Variants in UNC79 observed in about 807,000 individuals in gnomAD.
UNC79 encodes the protein unc-79 subunit of NALCN channel complex, also known as protein unc-79 homolog.
In UNC79, 37 loss-of-function variants were observed where a neutral mutation model predicts 283.1. The ratio of observed to expected loss-of-function variants is 0.13; its 90% CI spans 0.10 to 0.17. The LOEUF (loss-of-function observed/expected upper bound fraction) is 0.17. Among genes scored for constraint, UNC79 ranks in the 10% least tolerant of loss-of-function variants. The probability of loss-of-function intolerance (pLI) is 1.00; values close to 1 mark genes in which losing one functional copy is unlikely to be tolerated. For missense variants in UNC79, 2,272 were observed against 3,211.1 expected, an observed-to-expected ratio of 0.71 and a Z score of 7.07; for synonymous variants, 1,107 against 1,200.2, an observed-to-expected ratio of 0.92 and a Z score of 1.61.
At chr14:93,461,949 A>G (rs568989616) in intron 1 of UNC79, among the ~76,000 whole-genome samples, 26 of 140,298 alleles carry the variant, frequency 1.9e-4, no homozygotes, top group Non-Finnish European at 2.8e-4. Context: ...AAGGACATAG[A>G]AAGGTTTTCA....
intron 7 of UNC79, among the ~76,000 whole-genome samples, chr14:93,498,005 C>T (rs939215542): frequency 2.0e-5 from 3 of 150,874 alleles, no homozygotes; most frequent in Non-Finnish European, 3.0e-5. Flanking sequence ...TAAGTGACCC[C>T]GATAGGCTGG....
At chr14:93,425,918 A>G (rs1370418794), upstream of UNC79, among the ~76,000 whole-genome samples, 2 of 152,186 alleles carry the variant, frequency 1.3e-5, no homozygotes, top group Admixed American at 1.3e-4. Context: ...AACAAGCTGT[A>G]GACTGGGAGA....
chr14:93,701,189 C>CT (rs1048672340), intron 47 of UNC79, among the ~76,000 whole-genome samples: 1 of 152,252 alleles, frequency 6.6e-6, no homozygotes, highest in Non-Finnish European at 1.5e-5. Flanking sequence ...ACCTGCAGGA[C>CT]TCACCTGGTT....
chr14:93,683,656 T>C (rs990721890), intron 42 of UNC79, among the ~76,000 whole-genome samples: 1 of 152,150 alleles, frequency 6.6e-6, no homozygotes. Context: ...AAATCAGTAA[T>C]TAAAAGACGA....
exon 19 of UNC79, chr14:93,580,369 G>A (rs1043995250): frequency 1.9e-5 from 31 of 1,613,442 alleles, no homozygotes; most frequent in East Asian, 6.7e-5. Context: ...GAAGAAAGCC[G>A]GCTGGTGGTA....
chr14:93,515,022 C>A (rs2059990990), intron 7 of UNC79, among the ~76,000 whole-genome samples: 1 of 152,100 alleles, frequency 6.6e-6, no homozygotes. Context: ...TCTCGTACAT[C>A]CTTTTATGCA....
At chr14:93,523,935 A>C (rs769914893) in intron 7 of UNC79, 43 bp from the exon 8 acceptor site, 1 of 1,603,828 alleles carries the variant, frequency 6.2e-7, no homozygotes, top group Non-Finnish European at 8.5e-7. Flanking sequence ...GGGCATGAAT[A>C]ATTTCAATGA....
At chr14:93,536,245 G>T (rs1373392512) in intron 11 of UNC79, among the ~76,000 whole-genome samples, 2 of 152,222 alleles carry the variant, frequency 1.3e-5, no homozygotes, top group Admixed American at 1.3e-4. Context: ...ATAATTAAAT[G>T]TTGCTGTTTT....
intron 1 of UNC79, among the ~76,000 whole-genome samples, chr14:93,393,798 T>G (rs147319736): frequency 0.014 from 2,125 of 152,326 alleles, 23 homozygotes; most frequent in Middle Eastern, 0.034. Context: ...CTAGAAAGTA[T>G]TTGCTAACTG....
intron 40 of UNC79, among the ~76,000 whole-genome samples, chr14:93,667,593 A>G (rs1296639603): frequency 6.6e-6 from 1 of 152,192 alleles, no homozygotes; most frequent in African/African-American, 2.4e-5. Context: ...GCTTTAGAGG[A>G]CAACTTCTAC....
chr14:93,636,868 C>T (rs2140146994), intron 31 of UNC79, among the ~76,000 whole-genome samples: 1 of 152,284 alleles, frequency 6.6e-6, no homozygotes, highest in South Asian at 2.1e-4. Context: ...TACTGATTTG[C>T]ATAAAACATT....
chr14:93,541,780 C>T (rs2141193764), intron 13 of UNC79, among the ~76,000 whole-genome samples: 1 of 152,170 alleles, frequency 6.6e-6, no homozygotes, highest in Non-Finnish European at 1.5e-5. Context: ...CCAAGACGGG[C>T]AGATCACGAG....
intron 11 of UNC79, among the ~76,000 whole-genome samples, chr14:93,533,646 A>G (rs1353649858): frequency 6.6e-6 from 1 of 152,134 alleles, no homozygotes; most frequent in Non-Finnish European, 1.5e-5. Flanking sequence ...TGAGAGAGTG[A>G]GAGAGCCTCA....
rs762979661 is a variant in UNC79 at position 93,686,599 on chromosome 14, A to G, written c.6847A>G (p.Arg2283Gly). 3 of 1,614,200 alleles carry G rather than the reference A, an allele frequency of 1.9e-6. No homozygotes were observed. The South Asian group carries it at 3.3e-5, about 18-fold the overall frequency. ...TGGGACTGCAGCGATGGAGTGTGTG[A>G]GGCAGTACATCAACGAAGTGCTGGA... Residue 2283 changes from arginine to glycine, a missense_variant, in exon 43 of 49, where the codon AGG (arginine) becomes GGG (glycine). Physicochemically the swap from Arg to Gly is moderately radical, Grantham distance 125 (BLOSUM62 -2). Coordinates refer to ENST00000555664, the Ensembl canonical transcript of UNC79.
chr14:93,508,097 G>T (rs2140813834), intron 7 of UNC79, among the ~76,000 whole-genome samples: 1 of 151,332 alleles, frequency 6.6e-6, no homozygotes, highest in Admixed American at 6.6e-5. Context: ...AAATCAGATA[G>T]TTCAAATCTC....
intron 12 of UNC79, among the ~76,000 whole-genome samples, chr14:93,538,740 TCAGA>T (rs1268735514): frequency 7.0e-6 from 1 of 143,504 alleles, no homozygotes; most frequent in African/African-American, 2.6e-5. Context: ...CCCTGTGTAG[TCAGA>T]CAGGGACAGC....
At chr14:93,572,395 T>A (rs2063255954) in intron 15 of UNC79, among the ~76,000 whole-genome samples, 1 of 152,222 alleles carries the variant, frequency 6.6e-6, no homozygotes, top group Non-Finnish European at 1.5e-5. Flanking sequence ...AAAGGGAAAC[T>A]GTTTTAGATG....
intron 13 of UNC79, among the ~76,000 whole-genome samples, chr14:93,541,633 AT>A (rs945635223): frequency 6.6e-6 from 1 of 152,000 alleles, no homozygotes; most frequent in Non-Finnish European, 1.5e-5. Flanking sequence ...TGTTTTATTT[AT>A]TTTTTTTATT....
At chr14:93,684,210 CCCAGCAGAT>C (rs2074069670) in intron 42 of UNC79, among the ~76,000 whole-genome samples, 1 of 152,092 alleles carries the variant, frequency 6.6e-6, no homozygotes, top group African/African-American at 2.4e-5. Context: ...TTTTTCCCTC[CCCAGCAGAT>C]CCACCTCAAT....
Sources: allele counts gnomAD v4.1 joint callset (sites outside exome capture counted in the v4.1 genomes callset), GRCh38; gene constraint gnomAD v4.1.1; transcripts MANE v1.5; gene names NCBI Gene and HGNC (gene_info 2026-07-23, HGNC 2026-07-21).